Variants in MIIP observed in about 807,000 individuals in gnomAD.
The protein encoded by MIIP is migration and invasion-inhibitory protein.
In MIIP, 44 loss-of-function variants were observed where a neutral mutation model predicts 44.8. The ratio of observed to expected loss-of-function variants is 0.98; its 90% CI spans 0.77 to 1.26. The LOEUF is 1.26. MIIP is among the 50% of genes most tolerant of loss of function. The pLI is 0.00. For missense variants in MIIP, 496 were observed against 511.7 expected (o/e 0.97, Z 0.30); for synonymous variants, 225 against 218.3 (o/e 1.03, Z -0.27).
intron 8 of MIIP, among the ~76,000 whole-genome samples, chr1:12,030,556 CTTTTTTT>C (rs71568383): frequency 2.4e-4 from 14 of 59,070 alleles, no homozygotes; most frequent in Non-Finnish European, 4.0e-4. Flanking sequence ...GCTGCTGCTG[CTTTTTTT>C]TTTTTTTTTT....
chr1:12,020,391 A>G (rs1470974453), intron 1 of MIIP, among the ~76,000 whole-genome samples: 5 of 152,212 alleles, frequency 3.3e-5, no homozygotes, highest in Non-Finnish European at 7.4e-5. Flanking sequence ...GAGCCAAGAA[A>G]AAAAGGAAGC....
intron 4 of MIIP, among the ~76,000 whole-genome samples, chr1:12,024,727 A>T (rs908222641): frequency 2.0e-5 from 3 of 152,076 alleles, no homozygotes; most frequent in African/African-American, 4.8e-5. Flanking sequence ...AGCGTTTTTT[A>T]AGTGGACTGT....
At chr1:12,021,393 C>CAA (rs778338153) in intron 1 of MIIP, among the ~76,000 whole-genome samples, 10 of 117,650 alleles carry the variant, frequency 8.5e-5, no homozygotes, top group South Asian at 2.7e-4. Context: ...GACTCCATCT[C>CAA]AAAAAAAAAA....
intron 1 of MIIP, among the ~76,000 whole-genome samples, chr1:12,020,516 T>TTG (rs957641438): frequency 9.2e-5 from 14 of 152,132 alleles, no homozygotes; most frequent in East Asian, 5.8e-4. Flanking sequence ...TTTTTGTATT[T>TTG]TGTGTGTGTG....
chr1:12,024,387 G>C (rs1640055943), intron 4 of MIIP, among the ~76,000 whole-genome samples: 1 of 152,128 alleles, frequency 6.6e-6, no homozygotes, highest in African/African-American at 2.4e-5. Context: ...ATGTGTGTTT[G>C]TGTAAATACA....
intron 4 of MIIP, among the ~76,000 whole-genome samples, chr1:12,027,006 C>CT (rs752323245): frequency 0.46 from 59,577 of 129,500 alleles, 14,306 homozygotes; most frequent in African/African-American, 0.49. Context: ...TTTTCTTTTT[C>CT]TTTTTTTTTT....
chr1:12,030,717 G>A (rs1640223492), intron 8 of MIIP, among the ~76,000 whole-genome samples: 1 of 150,774 alleles, frequency 6.6e-6, no homozygotes, highest in Admixed American at 6.6e-5. Flanking sequence ...AGAGGCTGCA[G>A]TGAGCTGAGA....
intron 1 of MIIP, among the ~76,000 whole-genome samples, chr1:12,020,276 G>C (rs893413682): frequency 1.1e-4 from 17 of 152,190 alleles, no homozygotes; most frequent in African/African-American, 4.1e-4. Flanking sequence ...AGGAAGGGAG[G>C]GCAGGAAAGG....
At chr1:12,027,237 C>T (rs763229482) in intron 4 of MIIP, among the ~76,000 whole-genome samples, 6 of 152,080 alleles carry the variant, frequency 3.9e-5, no homozygotes, top group Non-Finnish European at 7.4e-5. Flanking sequence ...CTGGAACTCC[C>T]GATGTCAAGT....
intron 1 of MIIP, among the ~76,000 whole-genome samples, chr1:12,021,029 G>C (rs1448180399): frequency 6.6e-6 from 1 of 152,018 alleles, no homozygotes; most frequent in Admixed American, 6.6e-5. Context: ...ACTGCAGCCT[G>C]GGTCTCCTGG....
Position 12,029,080 on chromosome 1 carries a change from T to C in MIIP, c.595T>C (p.Phe199Leu), listed in dbSNP as rs202115275. 182 of 1,614,210 alleles carry C rather than the reference T, an allele frequency of 1.1e-4. No homozygotes were observed. Among genetic ancestry groups the C allele is most frequent in the Admixed American group, 8.0e-4 (48 of 60,030 alleles). ...SSITSQPEAF[F>L]SKLQEFRETN... Reference sequence around the variant, plus strand: ...CATCACCAGCCAGCCTGAGGCCTTCTTCTCCAAGCTGCAGGAGTTTCGGGA... The same window carrying C: ...CATCACCAGCCAGCCTGAGGCCTTCCTCTCCAAGCTGCAGGAGTTTCGGGA... Residue 199 changes from phenylalanine (F) to leucine (L), a missense_variant, in exon 5 of 10, where the codon TTC (phenylalanine) becomes CTC (leucine). Physicochemically the swap from Phe to Leu is conservative, Grantham distance 22. Coordinates refer to ENST00000235332, the MANE Select transcript of MIIP (RefSeq NM_021933.4).
intron 9 of MIIP, 155 bp downstream of exon 9, chr1:12,031,558 C>T (rs1640243231): frequency 6.3e-7 from 1 of 1,586,548 alleles, no homozygotes; most frequent in Non-Finnish European, 8.6e-7. Flanking sequence ...CCCTCCAGCC[C>T]TGACCCTAGC....
At chr1:12,028,675 GTT>G (rs746605896) in intron 4 of MIIP, 205 of 184,046 alleles carry the variant, frequency 1.1e-3, no homozygotes, top group South Asian at 2.8e-3. Context: ...TGTATCACGG[GTT>G]TTTTTTTTTT....
rs765729855 is a variant in MIIP, at chr1:12,029,119, G to A, written c.634G>A (p.Glu212Lys). 3 of 1,614,118 alleles carry A rather than the reference G, an allele frequency of 1.9e-6. No individual in the cohort carries two copies. The highest frequency in any genetic ancestry group is 1.6e-4 in the Middle Eastern group (1 of 6,062). ...LQEFRETNKE[E>K]CICSHPEPQL... ...GGAGTTTCGGGAAACCAACAAGGAG[G>A]AGTGTATCTGCAGCCATCCTGAGTG... is the stretch of plus-strand genomic sequence containing the variant. Residue 212 changes from glutamate (E) to lysine (K), a missense_variant, in exon 5 of 10, where the codon GAG becomes AAG. Glu to Lys is a moderately conservative substitution (Grantham distance 56). Transcript: ENST00000235332.
intron 4 of MIIP, 22 bp downstream of exon 4, chr1:12,022,939 C>T (rs754942358): frequency 8.2e-6 from 13 of 1,586,244 alleles, no homozygotes; most frequent in Non-Finnish European, 1.1e-5. Flanking sequence ...TGTTGCCCTG[C>T]ACACACTTTG....
rs370000251 is a variant in MIIP, at chr1:12,029,877, G to A, written c.828G>A (p.Ala276=). ...ACCAGCAGGGCCCTGGGACCCTGGC[G>A]CAGCCAGCGCACGTCAGGTGAGTGA... is the stretch of plus-strand genomic sequence containing the variant. ...PRDQQGPGTL[A]QPAHVRVSIP... The change falls in exon 7 of 10, where the codon GCG becomes GCA. Residue 276 remains alanine (A), a synonymous_variant. Transcript: ENST00000235332. 725 of 1,612,704 alleles carry A rather than the reference G, an allele frequency of 4.5e-4. 2 individuals are homozygous for A. The highest frequency in any genetic ancestry group is 5.7e-4 in the Non-Finnish European group (670 of 1,179,302).
At position 12,022,858 on chromosome 1, in the gene MIIP, C is replaced by T. The variant is rs1378011149; in HGVS notation, c.488C>T (p.Ser163Phe). The T allele has an allele frequency of 1.2e-6, 2 of 1,608,698 alleles. No individual in the cohort carries two copies. Among genetic ancestry groups the T allele is most frequent in the Non-Finnish European group, 1.7e-6 (2 of 1,177,366 alleles). Reference sequence around the variant, plus strand: ...CCCAGGGTGACCTTCTCTGAGGAGTCTGCAGTTCCTAAGAGGAGCTGGCGC... The same window carrying T: ...CCCAGGGTGACCTTCTCTGAGGAGTTTGCAGTTCCTAAGAGGAGCTGGCGC... ...SKPRVTFSEE[S>F]AVPKRSWRLR... The change falls in exon 4 of 10, where the codon TCT becomes TTT. Residue 163 changes from serine (S) to phenylalanine (F), a missense_variant. Coordinates refer to ENST00000235332, the MANE Select transcript of MIIP (RefSeq NM_021933.4).
Position 12,029,069 on chromosome 1 carries a change from C to G in MIIP, c.584C>G (p.Pro195Arg). 2.5e-6 allele frequency: 4 copies of G among 1,614,188 alleles called. No homozygotes were observed. Among genetic ancestry groups the G allele is most frequent in the Non-Finnish European group, 3.4e-6 (4 of 1,180,022 alleles). The change falls in exon 5 of 10, where the codon CCT (proline) becomes CGT (arginine). Residue 195 changes from proline to arginine, a missense_variant. Transcript: ENST00000235332. ...ACCAGCTCTTCCATCACCAGCCAGCCTGAGGCCTTCTTCTCCAAGCTGCAG... is the reference window on the plus strand; with the variant it reads ...ACCAGCTCTTCCATCACCAGCCAGCGTGAGGCCTTCTTCTCCAAGCTGCAG... ...LDTSSSITSQ[P>R]EAFFSKLQEF...
At position 12,022,071 on chromosome 1, in the gene MIIP, G is replaced by A. The variant is rs747665423; in HGVS notation, c.115-24G>A. 2.5e-6 allele frequency: 4 copies of A among 1,605,226 alleles called. No individual in the cohort carries two copies. The South Asian group carries it at 3.3e-5, about 13-fold the overall frequency. ...GGGTAGGTTCTGGCAGCCACTCCCTGGGTGACCCGGCCCCTCTCTCCAGTC... is the reference window on the plus strand; with the variant it reads ...GGGTAGGTTCTGGCAGCCACTCCCTAGGTGACCCGGCCCCTCTCTCCAGTC... On this transcript the variant is annotated intron_variant, in intron 2 of 9. Transcript: ENST00000235332.
Sources: allele counts gnomAD v4.1 joint callset (sites outside exome capture counted in the v4.1 genomes callset), GRCh38; gene constraint gnomAD v4.1.1; transcripts MANE v1.5; gene names NCBI Gene and HGNC (gene_info 2026-07-23, HGNC 2026-07-21).